Variants in SLC25A24 observed in about 807,000 individuals in gnomAD.
The protein encoded by SLC25A24 is mitochondrial adenyl nucleotide antiporter SLC25A24.
In SLC25A24, 49 loss-of-function variants were observed where a neutral mutation model predicts 60.7. That is an observed-to-expected ratio of 0.81 (90% CI 0.64 to 1.02). The LOEUF is 1.02. Ranked by LOEUF, SLC25A24 falls within the 50% of genes least tolerant of loss-of-function variation. The pLI is 0.00. For missense variants in SLC25A24, 564 were observed against 586.3 expected, an observed-to-expected ratio of 0.96 and a Z score of 0.39; for synonymous variants, 202 against 200.6, an observed-to-expected ratio of 1.01 and a Z score of -0.06.
chr1:108,170,538 T>C (rs1647427023), intron 3 of SLC25A24, among the ~76,000 whole-genome samples: 1 of 152,120 alleles, frequency 6.6e-6, no homozygotes, highest in African/African-American at 2.4e-5. Context: ...ACCTATCAAA[T>C]ACAGGAAGAA....
intron 2 of SLC25A24, among the ~76,000 whole-genome samples, chr1:108,184,109 T>G (rs1335824933): frequency 6.6e-6 from 1 of 152,220 alleles, no homozygotes; most frequent in Admixed American, 6.5e-5. Context: ...AGGGAAACAT[T>G]GTGTAGATTT....
At chr1:108,158,957 C>T (rs763169686) in intron 4 of SLC25A24, among the ~76,000 whole-genome samples, 3 of 151,956 alleles carry the variant, frequency 2.0e-5, no homozygotes, top group Admixed American at 1.3e-4. Flanking sequence ...GAGCCGAGAT[C>T]GCACCACTGC....
intron 7 of SLC25A24, among the ~76,000 whole-genome samples, chr1:108,144,764 C>T (rs1014912435): frequency 3.9e-5 from 6 of 152,238 alleles, no homozygotes; most frequent in Non-Finnish European, 5.9e-5. Flanking sequence ...ATGAACTCAT[C>T]CTTGTTTATG....
At chr1:108,146,004 T>C (rs554374085) in intron 7 of SLC25A24, among the ~76,000 whole-genome samples, 149 of 152,344 alleles carry the variant, frequency 9.8e-4, no homozygotes, top group South Asian at 7.7e-3. Flanking sequence ...GTATGGCCAC[T>C]GATTCTTCCT....
In SLC25A24 at chr1:108,135,212, A is replaced by C. The variant is rs904974812; in HGVS notation, c.*1441T>G. The C allele has an allele frequency of 2.0e-5, 3 of 152,564 alleles. No individual in the cohort carries two copies. The highest frequency in any genetic ancestry group is 7.2e-5 in the African/African-American group (3 of 41,464). The allele number at this position is 152,564 out of a possible 1,614,324, so 9.5% of individuals were successfully genotyped here. On this transcript the variant is annotated 3_prime_UTR_variant, in exon 10 of 10. Coordinates refer to ENST00000565488, the MANE Select transcript of SLC25A24 (RefSeq NM_013386.5). Reference sequence around the variant, plus strand: ...AATACTGAGACATTTATCAAACATAACTAATATAAATGAAACTACATTTTT... The same window carrying C: ...AATACTGAGACATTTATCAAACATACCTAATATAAATGAAACTACATTTTT...
At chr1:108,188,578 C>T (rs1047612865) in intron 1 of SLC25A24, among the ~76,000 whole-genome samples, 2 of 152,110 alleles carry the variant, frequency 1.3e-5, no homozygotes, top group East Asian at 1.9e-4. Flanking sequence ...GAAATATCAG[C>T]GAACAAGAAT....
chr1:108,137,258 C>T (rs1679316824), intron 9 of SLC25A24, among the ~76,000 whole-genome samples: 1 of 152,164 alleles, frequency 6.6e-6, no homozygotes, highest in Non-Finnish European at 1.5e-5. Flanking sequence ...CACAGTGCTG[C>T]TGCTGCCTCC....
Position 108,135,006 on chromosome 1 carries a change from A to G in SLC25A24, c.*1647T>C, listed in dbSNP as rs1352205386. The G allele has an allele frequency of 6.6e-6, 1 of 152,178 alleles. No individual in the cohort carries two copies. Among genetic ancestry groups the G allele is most frequent in the Non-Finnish European group, 1.5e-5 (1 of 68,014 alleles). The allele number at this position is 152,178 out of a possible 1,614,324, so 9.4% of individuals were successfully genotyped here. ...AATTTAAATTCATAATGAACAATGA[A>G]TATTTTCATATTTTCCAGAAGTTTG... On this transcript the variant is annotated 3_prime_UTR_variant, in exon 10 of 10. Coordinates refer to ENST00000565488, the MANE Select transcript of SLC25A24 (RefSeq NM_013386.5).
intron 1 of SLC25A24, among the ~76,000 whole-genome samples, chr1:108,186,684 C>T (rs978294108): frequency 1.3e-5 from 2 of 152,116 alleles, no homozygotes; most frequent in Non-Finnish European, 2.9e-5. Flanking sequence ...CTCCTACCAC[C>T]ACCCAAAATA....
At chr1:108,168,769 C>T (rs1647325491) in intron 3 of SLC25A24, among the ~76,000 whole-genome samples, 1 of 152,198 alleles carries the variant, frequency 6.6e-6, no homozygotes, top group Non-Finnish European at 1.5e-5. Context: ...CTGGCAAATA[C>T]CTTCTCTTTG....
chr1:108,191,280 C>T (rs574171447), intron 1 of SLC25A24, among the ~76,000 whole-genome samples: 1 of 138,554 alleles, frequency 7.2e-6, no homozygotes, highest in East Asian at 2.7e-4. Context: ...CACACACCCA[C>T]CACCACACCC....
At chr1:108,146,613 T>C (rs572171265) in intron 7 of SLC25A24, among the ~76,000 whole-genome samples, 1 of 152,286 alleles carries the variant, frequency 6.6e-6, no homozygotes, top group Admixed American at 6.5e-5. Context: ...TTAGTGAGAG[T>C]TTTTAACATG....
chr1:108,145,093 T>A (rs1679548701), intron 7 of SLC25A24, among the ~76,000 whole-genome samples: 1 of 152,186 alleles, frequency 6.6e-6, no homozygotes, highest in Non-Finnish European at 1.5e-5. Flanking sequence ...CCAGCATCTG[T>A]TGTTTCCTGA....
intron 3 of SLC25A24, 143 bp from the exon 4 acceptor site, chr1:108,161,436 G>T (rs1300849505): frequency 5.0e-6 from 3 of 596,920 alleles, no homozygotes; most frequent in Non-Finnish European, 8.8e-6. Flanking sequence ...AATATAGGTT[G>T]TTGGAAATGG....
At chr1:108,143,151 T>C (rs1679489241) in intron 8 of SLC25A24, among the ~76,000 whole-genome samples, 1 of 152,220 alleles carries the variant, frequency 6.6e-6, no homozygotes, top group Admixed American at 6.5e-5. Flanking sequence ...TTAAATGATT[T>C]AGATTGCAGG....
chr1:108,159,907 T>C (rs1383552177), intron 4 of SLC25A24, among the ~76,000 whole-genome samples: 3 of 151,182 alleles, frequency 2.0e-5, no homozygotes, highest in Non-Finnish European at 4.4e-5. Context: ...CTCAATCTTT[T>C]CCCCACCTTT....
At position 108,181,988 on chromosome 1, in the gene SLC25A24, T is replaced by C. The variant is rs774496764; in HGVS notation, c.351A>G (p.Thr117=). The change falls in exon 3 of 10, where the codon ACA becomes ACG. Residue 117 remains threonine, a synonymous_variant. Coordinates refer to ENST00000565488, the MANE Select transcript of SLC25A24 (RefSeq NM_013386.5). ...EASEIVQSLQ[T]LGLTISEQQA... ...GTTGTTCAGAAATAGTCAGACCCAG[T>C]GTCTGGAGAGACTGGACAATTTCTG... 3.7e-6 allele frequency: 6 copies of C among 1,612,946 alleles called. No homozygotes were observed. Among genetic ancestry groups the C allele is most frequent in the Non-Finnish European group, 3.4e-6 (4 of 1,179,392 alleles).
chr1:108,145,961 G>A (rs1166302023), intron 7 of SLC25A24, among the ~76,000 whole-genome samples: 2 of 152,078 alleles, frequency 1.3e-5, no homozygotes, highest in Non-Finnish European at 2.9e-5. Flanking sequence ...AGCTTGATGG[G>A]GATATCATTG....
intron 3 of SLC25A24, among the ~76,000 whole-genome samples, chr1:108,162,121 T>C (rs1279651546): frequency 6.6e-6 from 1 of 152,166 alleles, no homozygotes; most frequent in South Asian, 2.1e-4. Context: ...ACAAAAGACA[T>C]GAACTCATCT....
Sources: gnomAD v4.1 joint callset for allele counts (sites outside exome capture counted in the v4.1 genomes callset) on GRCh38, gnomAD v4.1.1 for gene constraint, MANE v1.5 for transcripts, NCBI Gene and HGNC (gene_info 2026-07-23, HGNC 2026-07-21) for gene names.